The following WDFY4 variants were observed in gnomAD, a reference collection of about 807,000 sequenced individuals.
WDFY4 encodes WD repeat- and FYVE domain-containing protein 4.
WDFY4 carries 169 observed loss-of-function variants against 351.9 expected under a neutral mutation model. The observed-to-expected ratio is 0.48, with a 90% CI of 0.42 to 0.55. WDFY4 has a LOEUF of 0.55. Among genes scored for constraint, WDFY4 ranks in the 20% least tolerant of loss-of-function variants. WDFY4 has a pLI of 0.00. For missense variants in WDFY4, 3,803 were observed against 3,935.6 expected, an observed-to-expected ratio of 0.97 and a Z score of 0.90; for synonymous variants, 1,622 against 1,574.6, an observed-to-expected ratio of 1.03 and a Z score of -0.71.
At chr10:48,838,610 G>A (rs1185541395) in intron 39 of WDFY4, among the ~76,000 whole-genome samples, 1 of 152,138 alleles carries the variant, frequency 6.6e-6, no homozygotes, top group Non-Finnish European at 1.5e-5. Context: ...CACATAAGTA[G>A]TAAAATAATG....
intron 52 of WDFY4, among the ~76,000 whole-genome samples, chr10:48,957,760 C>CT (rs1215439844): frequency 4.6e-5 from 7 of 152,216 alleles, no homozygotes; most frequent in Non-Finnish European, 1.0e-4. Flanking sequence ...TGGACGGGCA[C>CT]TTATGGCAGC....
At chr10:48,823,296 G>T (rs1467892990) in intron 35 of WDFY4, 3 of 1,286,486 alleles carry the variant, frequency 2.3e-6, no homozygotes, top group Admixed American at 4.7e-5. Flanking sequence ...CACCCAGGGG[G>T]ATGTCTGTGA....
At chr10:48,822,204 T>G (rs1198919164) in intron 34 of WDFY4, among the ~76,000 whole-genome samples, 176 bp from the exon 35 acceptor site, 2 of 152,200 alleles carry the variant, frequency 1.3e-5, no homozygotes, top group Non-Finnish European at 2.9e-5. Flanking sequence ...CAAGATCTGT[T>G]CATTTTGATT....
intron 11 of WDFY4, among the ~76,000 whole-genome samples, chr10:48,742,370 C>G (rs1272284078): frequency 2.6e-5 from 4 of 152,214 alleles, no homozygotes; most frequent in Non-Finnish European, 5.9e-5. Context: ...TTTACTGTTT[C>G]CCCTCATCTA....
chr10:48,707,386 A>ATACTCCCTT (rs2063658817), intron 1 of WDFY4, among the ~76,000 whole-genome samples: 2 of 152,284 alleles, frequency 1.3e-5, no homozygotes, highest in South Asian at 4.1e-4. Context: ...CTGAGCAGTC[A>ATACTCCCTT]TACTCCCTTG....
At chr10:48,937,912 T>G (rs754767338) in intron 47 of WDFY4, among the ~76,000 whole-genome samples, 19 of 152,160 alleles carry the variant, frequency 1.2e-4, no homozygotes, top group Non-Finnish European at 1.8e-4. Flanking sequence ...ACTCTGTCCC[T>G]GCCACACTCT....
At chr10:48,732,109 G>C (rs552635444) in intron 9 of WDFY4, among the ~76,000 whole-genome samples, 2 of 152,154 alleles carry the variant, frequency 1.3e-5, no homozygotes, top group African/African-American at 4.8e-5. Flanking sequence ...CTGCACCCTG[G>C]AGTCTCAATC....
intron 28 of WDFY4, among the ~76,000 whole-genome samples, chr10:48,809,577 T>C (rs545501822): frequency 1.4e-5 from 2 of 139,618 alleles, no homozygotes; most frequent in Admixed American, 7.0e-5. Flanking sequence ...ATCATCAACA[T>C]CACCACCACC....
At chr10:48,853,358 T>C (rs573085022) in intron 39 of WDFY4, among the ~76,000 whole-genome samples, 1 of 152,240 alleles carries the variant, frequency 6.6e-6, no homozygotes, top group Admixed American at 6.5e-5. Flanking sequence ...CTCTTATTTT[T>C]GTGATCTCTT....
chr10:48,871,125 C>A (rs1267780434), intron 40 of WDFY4, among the ~76,000 whole-genome samples: 1 of 152,006 alleles, frequency 6.6e-6, no homozygotes, highest in Non-Finnish European at 1.5e-5. Context: ...TTAGAAGAGA[C>A]GGGGTTTCAC....
At chr10:48,815,314 C>T (rs904211728) in intron 31 of WDFY4, among the ~76,000 whole-genome samples, 2 of 151,948 alleles carry the variant, frequency 1.3e-5, no homozygotes, top group Non-Finnish European at 2.9e-5. Flanking sequence ...AATCATTTTT[C>T]ATATGTTTAT....
chr10:48,774,911 AG>A (rs1245333106), intron 14 of WDFY4, among the ~76,000 whole-genome samples: 2 of 151,260 alleles, frequency 1.3e-5, no homozygotes, highest in Non-Finnish European at 3.0e-5. Flanking sequence ...GGGGGCTCCA[AG>A]GAAGTGGAGC....
In WDFY4 at chr10:48,790,869, CAG is replaced by C; in HGVS notation, c.4210_4211del (p.Ser1404Ter). On this transcript the variant is annotated frameshift_variant, in exon 23 of 62. Coordinates refer to ENST00000325239, the MANE Select transcript of WDFY4 (RefSeq NM_001394531.1). LOFTEE classifies it high-confidence loss of function. ...AVKVLHSVLTSNAMCDFLMQH... is the reference protein window; with the variant it reads ...AVKVLHSVLTXNAMCDFLMQH... ...TGAAAGTTCTGCACTCGGTCCTGAC[CAG>C]TAATGCCATGTGTGACTTCCTGATG... 6.4e-7 allele frequency: 1 copy of C among 1,551,750 alleles called. No homozygotes were observed. The highest frequency in any genetic ancestry group is 8.7e-7 in the Non-Finnish European group (1 of 1,147,006).
At chr10:48,741,873 C>T (rs1487420025) in intron 11 of WDFY4, among the ~76,000 whole-genome samples, 1 of 152,176 alleles carries the variant, frequency 6.6e-6, no homozygotes, top group African/African-American at 2.4e-5. Flanking sequence ...GTTGTCCACT[C>T]TCTAGGAAAC....
At chr10:48,824,022 A>T in intron 35 of WDFY4, 1 of 985,280 alleles carries the variant, frequency 1.0e-6, no homozygotes, top group Non-Finnish European at 1.2e-6. Context: ...CTTTGTGCAT[A>T]CTCTTTGTAT....
intron 3 of WDFY4, 86 bp downstream of exon 3, chr10:48,720,211 C>T (rs1307643870): frequency 2.2e-6 from 3 of 1,348,338 alleles, no homozygotes; most frequent in Non-Finnish European, 3.1e-6. Context: ...CCCCCCTCTG[C>T]TTTCGCGTGG....
At chr10:48,747,577 G>T (rs1204100149) in intron 12 of WDFY4, among the ~76,000 whole-genome samples, 1 of 151,562 alleles carries the variant, frequency 6.6e-6, no homozygotes, top group Non-Finnish European at 1.5e-5. Context: ...GTTTCTTTTG[G>T]TCTTTCTTAA....
At chr10:48,841,780 C>G (rs953138748) in intron 39 of WDFY4, among the ~76,000 whole-genome samples, 1 of 152,166 alleles carries the variant, frequency 6.6e-6, no homozygotes, top group Admixed American at 6.5e-5. Context: ...ACGCAGTAAC[C>G]TTCTTAGATT....
At chr10:48,685,361 C>T (rs749745356) in intron 1 of WDFY4, among the ~76,000 whole-genome samples, 11 of 152,194 alleles carry the variant, frequency 7.2e-5, no homozygotes, top group African/African-American at 9.6e-5. Flanking sequence ...AGGGCTGACA[C>T]GGGCTTTCCT....
Sources: gnomAD v4.1 joint callset for allele counts (sites outside exome capture counted in the v4.1 genomes callset) on GRCh38, gnomAD v4.1.1 for gene constraint, MANE v1.5 for transcripts, NCBI Gene and HGNC (gene_info 2026-07-23, HGNC 2026-07-21) for gene names.